Variants in INTS9 observed in about 807,000 individuals in gnomAD.
INTS9 encodes integrator complex subunit 9.
In INTS9, 55 loss-of-function variants were observed where a neutral mutation model predicts 79.7. The observed-to-expected ratio is 0.69, with a 90% confidence interval of 0.56 to 0.86. INTS9 has a LOEUF of 0.86. Among genes scored for constraint, INTS9 ranks in the 40% least tolerant of loss-of-function variants. INTS9 has a pLI of 0.00. For synonymous variants in INTS9, 319 were observed against 325.2 expected (o/e 0.98, Z 0.20); for missense variants, 721 against 831.5 (o/e 0.87, Z 1.64).
At chr8:28,797,491 A>G (rs575252681) in intron 8 of INTS9, among the ~76,000 whole-genome samples, 2 of 152,184 alleles carry the variant, frequency 1.3e-5, no homozygotes. Context: ...TAAGTCTCAC[A>G]GGTTAACATC....
chr8:28,780,956 G>A lies in INTS9; in HGVS notation c.1137C>T (p.Ile379=), dbSNP rs575319275. 2.1e-4 allele frequency: 343 copies of A among 1,614,154 alleles called. 6 individuals carry two copies. The South Asian group carries it at 3.6e-3, about 17-fold the overall frequency. ...TAAAGTCGTTGCTGAAGTCTCCGTG[G>A]ATGCTGGGGTAGTGCTTCAGCTTAT... ...QTNKLKHYPS[I]HGDFSNDFRQ... is the part of the protein sequence containing the mutation. Residue 379 remains isoleucine, a synonymous_variant, in exon 12 of 17, where the codon ATC becomes ATT. Coordinates refer to ENST00000521022, the MANE Select transcript of INTS9 (RefSeq NM_018250.4).
intron 4 of INTS9, among the ~76,000 whole-genome samples, chr8:28,839,566 C>T (rs1055006302): frequency 6.6e-5 from 10 of 152,168 alleles, no homozygotes; most frequent in Admixed American, 2.0e-4. Flanking sequence ...GTAACCAAAA[C>T]AGCATGGTAC....
rs1269686292 is a variant in INTS9, at chr8:28,780,048, T to A, written c.1270+775A>T. Among the ~76,000 whole-genome samples, 7 of 125,150 alleles carry A rather than the reference T, an allele frequency of 5.6e-5. No individual in the cohort carries two copies. The East Asian group carries it at 1.4e-3, about 26-fold the overall frequency. 82.1% of individuals were successfully genotyped at this position (125,150 alleles called of 152,430 possible). A position where few individuals can be genotyped will look rare whatever the true frequency, so the allele number is the denominator to read the frequency against. On this transcript the variant is annotated intron_variant, in intron 12 of 16. Transcript: ENST00000521022. ...GCTGCAAGCTGGGCCAGATTTCAAA[T>A]CAAGGTTTTTTTTTTTTTTTCTTTT... is the stretch of plus-strand genomic sequence containing the variant.
At chr8:28,841,410 A>C (rs1485282470) in intron 4 of INTS9, among the ~76,000 whole-genome samples, 1 of 152,258 alleles carries the variant, frequency 6.6e-6, no homozygotes, top group East Asian at 1.9e-4. Flanking sequence ...CATCACCACC[A>C]GTCCTCATGT....
rs143782517 is a variant in INTS9, at chr8:28,768,251, C to T, written c.1872G>A (p.Thr624=). ...TCGAGTCTTCTTCAATCTGGATGAG[C>T]GTCTCAGCCTCCTGGAGCAGGACGA... ...GHIVLLQEAE[T]LIQIEEDSTH... The change falls in exon 17 of 17, where the codon ACG becomes ACA. Residue 624 remains threonine (T), a synonymous_variant. Coordinates refer to ENST00000521022, the MANE Select transcript of INTS9 (RefSeq NM_018250.4). The T allele has an allele frequency of 2.9e-5, 46 of 1,613,862 alleles. No individual in the cohort carries two copies. The South Asian group carries it at 3.0e-4, about 10-fold the overall frequency.
intron 12 of INTS9, among the ~76,000 whole-genome samples, chr8:28,778,552 T>C (rs557500637): frequency 3.8e-4 from 58 of 152,258 alleles, no homozygotes; most frequent in Non-Finnish European, 7.9e-4. Flanking sequence ...GTCTGTAGAC[T>C]GAGACTGGGA....
chr8:28,824,019 G>A (rs773093928), intron 6 of INTS9, among the ~76,000 whole-genome samples: 5 of 152,150 alleles, frequency 3.3e-5, no homozygotes, highest in Admixed American at 6.5e-5. Context: ...TACACATAGT[G>A]AACTGCTTTA....
At chr8:28,863,490 T>C (rs1808563646) in intron 1 of INTS9, among the ~76,000 whole-genome samples, 1 of 152,184 alleles carries the variant, frequency 6.6e-6, no homozygotes, top group Non-Finnish European at 1.5e-5. Flanking sequence ...AATTTTAAAA[T>C]GCAGCCTGGG....
chr8:28,842,019 T>A (rs1174834155), intron 4 of INTS9, among the ~76,000 whole-genome samples: 1 of 152,022 alleles, frequency 6.6e-6, no homozygotes, highest in African/African-American at 2.4e-5. Context: ...GCCCAGGAGG[T>A]CGAGGCTGGA....
At chr8:28,844,851 T>C (rs1563292373) in intron 4 of INTS9, among the ~76,000 whole-genome samples, 1 of 152,202 alleles carries the variant, frequency 6.6e-6, no homozygotes, top group African/African-American at 2.4e-5. Context: ...TAAATTTGTG[T>C]ATACTTTATG....
chr8:28,795,310 G>C (rs1443387069), intron 9 of INTS9, among the ~76,000 whole-genome samples: 2 of 152,148 alleles, frequency 1.3e-5, no homozygotes, highest in African/African-American at 2.4e-5. Flanking sequence ...ATGAGGTCGA[G>C]GGTGCAGGCC....
intron 1 of INTS9, among the ~76,000 whole-genome samples, chr8:28,872,588 G>A (rs1809154797): frequency 6.6e-6 from 1 of 151,998 alleles, no homozygotes. Context: ...TTCTCAAAGT[G>A]TCAAAGGGAG....
Position 28,856,763 on chromosome 8 carries a change from G to C in INTS9, c.137+2673C>G, listed in dbSNP as rs542404772. Among the ~76,000 whole-genome samples, 6 of 152,296 alleles carry C rather than the reference G, an allele frequency of 3.9e-5. No individual in the cohort carries two copies. The South Asian group carries it at 8.3e-4, about 21-fold the overall frequency. On this transcript the variant is annotated intron_variant, in intron 2 of 16. Transcript: ENST00000521022. ...ATTCATAGGGTACATGTGCAGGTTTGTTACCTGGTTATATTTCATTATGCT... is the reference window on the plus strand; with the variant it reads ...ATTCATAGGGTACATGTGCAGGTTTCTTACCTGGTTATATTTCATTATGCT...
chr8:28,819,584 A>G lies in INTS9; in HGVS notation c.489-5972T>C, dbSNP rs1585410373. 2.0e-5 allele frequency among the ~76,000 whole-genome samples: 3 copies of G among 152,310 alleles called. No individual in the cohort carries two copies. In the East Asian group the frequency reaches 5.8e-4, roughly 29 times the overall value. On this transcript the variant is annotated intron_variant, in intron 6 of 16. Transcript: ENST00000521022. Reference sequence around the variant, plus strand: ...AGCTTTACTTCCAAGTATGTGGTCAATTTTCGAATAGGTGTGGTGTGGTGC... The same window carrying G: ...AGCTTTACTTCCAAGTATGTGGTCAGTTTTCGAATAGGTGTGGTGTGGTGC...
chr8:28,875,475 T>C lies in INTS9; in HGVS notation c.9+14399A>G, dbSNP rs554112718. On this transcript the variant is annotated intron_variant, in intron 1 of 16. Transcript: ENST00000521022. ...TCTCTAGGGAACTGTGATTCTCCCA[T>C]TGGCATTCATCTTTTTTTTTCTTTC... 1.1e-4 allele frequency among the ~76,000 whole-genome samples: 17 copies of C among 152,326 alleles called. No individual in the cohort carries two copies. The South Asian group carries it at 3.1e-3, about 28-fold the overall frequency.
intron 12 of INTS9, chr8:28,780,300 A>T: frequency 1.3e-6 from 1 of 792,302 alleles, no homozygotes; most frequent in Non-Finnish European, 1.5e-6. Flanking sequence ...ATCCCCTATC[A>T]CAGATAAGCA....
chr8:28,858,032 G>C (rs1167941838), intron 2 of INTS9, among the ~76,000 whole-genome samples: 1 of 152,132 alleles, frequency 6.6e-6, no homozygotes, highest in Non-Finnish European at 1.5e-5. Context: ...GCTGAGCCAG[G>C]ACCATGAGAA....
chr8:28,854,142 G>A (rs947052977), intron 2 of INTS9, among the ~76,000 whole-genome samples: 1 of 152,166 alleles, frequency 6.6e-6, no homozygotes, highest in Non-Finnish European at 1.5e-5. Flanking sequence ...TCAGCCTTCC[G>A]AGCAGCTGGG....
intron 11 of INTS9, among the ~76,000 whole-genome samples, chr8:28,784,289 C>G (rs923008443): frequency 3.3e-5 from 5 of 152,176 alleles, no homozygotes; most frequent in African/African-American, 1.2e-4. Context: ...GATCACACTC[C>G]TAGAAAACAA....
Sources: gnomAD v4.1 joint callset for allele counts (sites outside exome capture counted in the v4.1 genomes callset) on GRCh38, gnomAD v4.1.1 for gene constraint, MANE v1.5 for transcripts, NCBI Gene and HGNC (gene_info 2026-07-23, HGNC 2026-07-21) for gene names.